PLEKHB2: variants seen among roughly 807,000 people sequenced by gnomAD.
The protein encoded by PLEKHB2 is pleckstrin homology domain-containing family B member 2.
PLEKHB2 carries 31 observed loss-of-function variants against 36.5 expected under a neutral mutation model. The observed-to-expected ratio is 0.85, with a 90% CI of 0.64 to 1.15. The LOEUF is 1.15. PLEKHB2 is among the 50% of genes most tolerant of loss of function. The pLI is 0.00. For synonymous variants in PLEKHB2, 119 were observed against 112.0 expected (o/e 1.06, Z -0.39); for missense variants, 262 against 295.3 (o/e 0.89, Z 0.83).
At chr2:131,115,011 A>G (rs1695711614) in intron 1 of PLEKHB2, among the ~76,000 whole-genome samples, 1 of 152,180 alleles carries the variant, frequency 6.6e-6, no homozygotes, top group Non-Finnish European at 1.5e-5. Context: ...ATAAAGATAT[A>G]CCCAAGACTG....
At chr2:131,130,188 C>CA (rs1218391053) in intron 4 of PLEKHB2, among the ~76,000 whole-genome samples, 2 of 152,018 alleles carry the variant, frequency 1.3e-5, no homozygotes, top group Non-Finnish European at 2.9e-5. Flanking sequence ...GGACTGCAGG[C>CA]ATGCGCCACC....
chr2:131,148,955 C>T lies in PLEKHB2; in HGVS notation c.*2182C>T, dbSNP rs1357158822. ...ATTACTGGGTGGGAATTCCAGGAAC[C>T]ACAGAGTATTGATTTTTGCTGCCAA... is the stretch of plus-strand genomic sequence containing the variant. On this transcript the variant is annotated 3_prime_UTR_variant, in exon 8 of 8. Transcript: ENST00000693505. 4 of 152,144 alleles carry T rather than the reference C, an allele frequency of 2.6e-5. No individual in the cohort carries two copies. Among genetic ancestry groups the T allele is most frequent in the Non-Finnish European group, 5.9e-5 (4 of 68,040 alleles). 9.4% of individuals were successfully genotyped at this position (152,144 alleles called of 1,614,324 possible). A position where few individuals can be genotyped will look rare whatever the true frequency, so the allele number is the denominator to read the frequency against.
intron 6 of PLEKHB2, among the ~76,000 whole-genome samples, chr2:131,134,051 C>T (rs541380778): frequency 5.9e-4 from 90 of 151,438 alleles, no homozygotes; most frequent in African/African-American, 2.1e-3. Context: ...AGGCGCCCGC[C>T]ACCACGCCCG....
chr2:131,109,749 AT>A lies in PLEKHB2; in HGVS notation c.-9+4352del, dbSNP rs148421338. On this transcript the variant is annotated intron_variant, in intron 1 of 7. Transcript: ENST00000693505. The stretch of plus-strand genomic sequence containing the variant: ...GCTTTAAACCTTAGAATAAAAAAAA[AT>A]ATATCAATCTCTTGTCCACCCCCTT... Among the ~76,000 whole-genome samples, 425 of 152,240 alleles carry A rather than the reference AT, an allele frequency of 2.8e-3. 1 individual carries two copies. Among genetic ancestry groups the A allele is most frequent in the African/African-American group, 8.7e-3 (360 of 41,544 alleles).
intron 2 of PLEKHB2, among the ~76,000 whole-genome samples, chr2:131,122,538 C>T (rs1175788655): frequency 1.3e-5 from 2 of 152,164 alleles, no homozygotes; most frequent in Middle Eastern, 3.2e-3. Flanking sequence ...TCTTAATTCT[C>T]ACAACAGCTG....
intron 1 of PLEKHB2, 35 bp from the exon 2 acceptor site, chr2:131,120,899 G>T (rs754657096): frequency 6.2e-7 from 1 of 1,606,116 alleles, no homozygotes; most frequent in East Asian, 2.2e-5. Flanking sequence ...CTCTTTCTGG[G>T]TATGATTTTG....
intron 7 of PLEKHB2, 35 bp from the exon 8 acceptor site, chr2:131,146,602 C>T: frequency 1.3e-6 from 2 of 1,589,354 alleles, no homozygotes; most frequent in East Asian, 4.5e-5. Context: ...TCACAAACCG[C>T]TGCTCAGAAA....
At chr2:131,131,841 AT>A (rs923033263) in intron 5 of PLEKHB2, among the ~76,000 whole-genome samples, 97 of 126,410 alleles carry the variant, frequency 7.7e-4, no homozygotes, top group Middle Eastern at 4.2e-3. Flanking sequence ...CTTTGTGTGG[AT>A]TTTTTTTTTT....
chr2:131,144,725 G>A (rs1158548075), intron 7 of PLEKHB2, among the ~76,000 whole-genome samples: 6 of 152,206 alleles, frequency 3.9e-5, no homozygotes, highest in Admixed American at 3.3e-4. Context: ...TGAGCTCAAT[G>A]CAGGAGCAGA....
intron 6 of PLEKHB2, 91 bp downstream of exon 6, chr2:131,133,082 T>G (rs1697882877): frequency 1.2e-6 from 1 of 813,264 alleles, no homozygotes. Context: ...AAATTAGAAA[T>G]GTACTCTAAA....
intron 1 of PLEKHB2, among the ~76,000 whole-genome samples, chr2:131,113,769 C>G (rs111559310): frequency 2.6e-5 from 4 of 152,084 alleles, no homozygotes; most frequent in Admixed American, 2.6e-4. Context: ...GTGTGGCCTG[C>G]GACTTTAAGC....
chr2:131,140,298 T>A, intron 7 of PLEKHB2, 23 bp downstream of exon 7: 1 of 1,259,954 alleles, frequency 7.9e-7, no homozygotes, highest in Non-Finnish European at 1.2e-6. Flanking sequence ...GGCCTTTCAT[T>A]CCTCATTTCT....
chr2:131,144,029 C>G (rs367839864), intron 7 of PLEKHB2, among the ~76,000 whole-genome samples: 6 of 152,274 alleles, frequency 3.9e-5, no homozygotes, highest in African/African-American at 1.4e-4. Flanking sequence ...AGAGTGGTGA[C>G]CAGGCAGCCC....
intron 3 of PLEKHB2, among the ~76,000 whole-genome samples, chr2:131,126,173 C>T (rs112926333): frequency 2.0e-5 from 3 of 152,272 alleles, no homozygotes; most frequent in Admixed American, 6.5e-5. Context: ...CCCTAGACTA[C>T]GTTGATTTTG....
In PLEKHB2 at chr2:131,126,947, C is replaced by G. The variant is rs1697163008; in HGVS notation, c.293+161C>G. ...AAATGCAAGAGTCGCTTTTCCAATTCTAGTTTCTGCCTCTCTCAGACTGCC... is the reference window on the plus strand; with the variant it reads ...AAATGCAAGAGTCGCTTTTCCAATTGTAGTTTCTGCCTCTCTCAGACTGCC... On this transcript the variant is annotated intron_variant, in intron 4 of 7. Transcript: ENST00000693505. 6 of 585,764 alleles carry G rather than the reference C, an allele frequency of 1.0e-5. No individual in the cohort carries two copies. The South Asian group carries it at 1.2e-4, about 12-fold the overall frequency. 36.3% of individuals were successfully genotyped at this position (585,764 alleles called of 1,614,324 possible). A position where few individuals can be genotyped will look rare whatever the true frequency, so the allele number is the denominator to read the frequency against.
At chr2:131,117,210 A>G (rs1695973470) in intron 1 of PLEKHB2, among the ~76,000 whole-genome samples, 1 of 152,162 alleles carries the variant, frequency 6.6e-6, no homozygotes, top group Non-Finnish European at 1.5e-5. Flanking sequence ...CAGCACTTTG[A>G]GAAGCTGAGG....
intron 7 of PLEKHB2, among the ~76,000 whole-genome samples, chr2:131,145,561 C>T (rs979854216): frequency 6.6e-6 from 1 of 152,070 alleles, no homozygotes; most frequent in Admixed American, 6.6e-5. Flanking sequence ...TCTAAAACTT[C>T]CGGCCTCAAG....
rs1430674044 is a variant in PLEKHB2 at position 131,125,828 on chromosome 2, A to G, written c.113A>G (p.Gln38Arg). The change falls in exon 3 of 8, where the codon CAG (glutamine) becomes CGG (arginine). Residue 38 changes from glutamine to arginine, a missense_variant. Physicochemically the swap from Gln to Arg is conservative, Grantham distance 43. Coordinates refer to ENST00000693505, the MANE Select transcript of PLEKHB2 (RefSeq NM_001100623.2). ...GGTCACCTGATCTATTATGATGACC[A>G]GACTCGGCAGAATATCGAGGATAAG... Reference protein sequence around the residue: ...SDGHLIYYDDQTRQNIEDKVH... With the variant: ...SDGHLIYYDDRTRQNIEDKVH... 2 of 1,613,604 alleles carry G rather than the reference A, an allele frequency of 1.2e-6. No individual in the cohort carries two copies. Among genetic ancestry groups the G allele is most frequent in the Non-Finnish European group, 1.7e-6 (2 of 1,179,770 alleles).
rs1698229497 is a variant in PLEKHB2, at chr2:131,136,172, CCTCCCTCCCTCT to C, written c.423+3186_423+3197del. ...TGTCTTCCTGCCTCCTCCCTCCCTC[CCTCCCTCCCTCT>C]CTCCTTTCCCCCGCCCGTCCCCTCT... On this transcript the variant is annotated intron_variant, in intron 6 of 7. Coordinates refer to ENST00000693505, the MANE Select transcript of PLEKHB2 (RefSeq NM_001100623.2). Among the ~76,000 whole-genome samples the C allele has an allele frequency of 2.2e-5, 3 of 138,380 alleles. No individual in the cohort carries two copies. The Admixed American group carries it at 2.2e-4, about 10-fold the overall frequency. The allele number at this position is 138,380 out of a possible 152,430, so 90.8% of individuals were successfully genotyped here.
Sources: allele counts gnomAD v4.1 joint callset (sites outside exome capture counted in the v4.1 genomes callset), GRCh38; gene constraint gnomAD v4.1.1; transcripts MANE v1.5; gene names NCBI Gene and HGNC (gene_info 2026-07-23, HGNC 2026-07-21).